The following TAT variants were observed in gnomAD, a reference collection of about 807,000 sequenced individuals.
TAT encodes the protein L-tyrosine:2-oxoglutarate aminotransferase.
In TAT, 35 loss-of-function variants were observed where a neutral mutation model predicts 53.6. The observed-to-expected ratio is 0.65, with a 90% CI of 0.50 to 0.87. TAT has a LOEUF of 0.87. TAT is among the 40% of genes least tolerant of loss of function. The pLI, the probability that TAT is intolerant of heterozygous loss-of-function variation, is 0.00. For synonymous variants in TAT, 197 were observed against 206.5 expected (o/e 0.95, Z 0.39); for missense variants, 525 against 571.8 (o/e 0.92, Z 0.83).
In TAT at chr16:71,572,179, G is replaced by A; in HGVS notation, c.706+7C>T. ...ACCTCGTCCTCTGTGAAGTCTGCTGGACGTACCTGCCAGAATCTTCTGAAG... is the reference window on the plus strand; with the variant it reads ...ACCTCGTCCTCTGTGAAGTCTGCTGAACGTACCTGCCAGAATCTTCTGAAG... On this transcript the variant is annotated splice_region_variant and intron_variant, in intron 6 of 11. Coordinates refer to ENST00000355962, the MANE Select transcript of TAT (RefSeq NM_000353.3). The A allele has an allele frequency of 1.2e-6, 2 of 1,614,042 alleles. No homozygotes were observed. Among genetic ancestry groups the A allele is most frequent in the South Asian group, 2.2e-5 (2 of 91,070 alleles).
At chr16:71,569,312 G>A (rs1301128929) in intron 10 of TAT, among the ~76,000 whole-genome samples, 1 of 151,966 alleles carries the variant, frequency 6.6e-6, no homozygotes, top group Non-Finnish European at 1.5e-5. Context: ...TATATAAAAT[G>A]ATTCTCTGTA....
rs2044158255 is a variant in TAT, at chr16:71,565,701, G to GCGCACACACACACACACA, written c.*2442_*2443insTGTGTGTGTGTGTGTGCG. 6.7e-6 allele frequency: 1 copy of GCGCACACACACACACACA among 148,934 alleles called. No homozygotes were observed. The highest frequency in any genetic ancestry group is 2.5e-5 in the African/African-American group (1 of 39,956). 9.2% of individuals were successfully genotyped at this position (148,934 alleles called of 1,614,324 possible). A position where few individuals can be genotyped will look rare whatever the true frequency, so the allele number is the denominator to read the frequency against. On this transcript the variant is annotated 3_prime_UTR_variant, in exon 12 of 12. Coordinates refer to ENST00000355962, the MANE Select transcript of TAT (RefSeq NM_000353.3). ...TACTTTATTTGAAAAAATGAAAAGTGCACACACACACACACACACACACAC... is the reference window on the plus strand; with the variant it reads ...TACTTTATTTGAAAAAATGAAAAGTGCGCACACACACACACACACACACACACACACACACACACACAC...
In TAT at chr16:71,567,013, A is replaced by T. The variant is rs925341348; in HGVS notation, c.*1131T>A. 2.0e-5 allele frequency: 3 copies of T among 152,248 alleles called. No individual in the cohort carries two copies. The highest frequency in any genetic ancestry group is 4.4e-5 in the Non-Finnish European group (3 of 68,036). 9.4% of individuals were successfully genotyped at this position (152,248 alleles called of 1,614,324 possible). A position where few individuals can be genotyped will look rare whatever the true frequency, so the allele number is the denominator to read the frequency against. On this transcript the variant is annotated 3_prime_UTR_variant, in exon 12 of 12. Transcript: ENST00000355962. The stretch of plus-strand genomic sequence containing the variant: ...TTACAGCAAAAGTAATAATGATTAT[A>T]TAACAATGACAAGTGAAGATATTTC...
Position 71,576,276 on chromosome 16 carries a change from T to C in TAT, c.140A>G (p.Asp47Gly). The change falls in exon 2 of 12, where the codon GAC becomes GGC. Residue 47 changes from aspartate (D) to glycine (G), a missense_variant. Transcript: ENST00000355962. ...GGGGTTGAAAGTTTTCTTGGCCATG[T>C]CTGAGGGCCTCACAGACCACCTGGC... ...RKARWSVRPSDMAKKTFNPIR... is the reference protein window; with the variant it reads ...RKARWSVRPSGMAKKTFNPIR... 6.2e-7 allele frequency: 1 copy of C among 1,614,192 alleles called. No individual in the cohort carries two copies. The highest frequency in any genetic ancestry group is 8.5e-7 in the Non-Finnish European group (1 of 1,180,034).
intron 1 of TAT, 144 bp from the exon 2 acceptor site, chr16:71,576,571 T>A: frequency 1.3e-6 from 1 of 750,306 alleles, no homozygotes; most frequent in Non-Finnish European, 2.2e-6. Context: ...CTTTCTGTTG[T>A]AAAGTAGCTT....
intron 10 of TAT, among the ~76,000 whole-genome samples, chr16:71,569,633 G>A (rs1303996744): frequency 6.6e-6 from 1 of 152,240 alleles, no homozygotes; most frequent in Non-Finnish European, 1.5e-5. Flanking sequence ...GAGCCACCAT[G>A]CCCTGCCTAA....
chr16:71,572,370 AG>A, intron 5 of TAT, 46 bp from the exon 6 acceptor site: 2 of 1,613,394 alleles, frequency 1.2e-6, no homozygotes, highest in Non-Finnish European at 1.7e-6. Flanking sequence ...TGAAACATTT[AG>A]GGGGAATCCT....
chr16:71,569,889 G>A lies in TAT; in HGVS notation c.1090C>T (p.Arg364Trp), dbSNP rs371975183. Residue 364 changes from arginine (R) to tryptophan (W), a missense_variant, in exon 10 of 12, where the codon CGG becomes TGG. Transcript: ENST00000355962. ...ATAGCCCCAGAAGGGCGGACTGGCC[G>A]GAGTCCAGGGATGGCAGCCAACGCC... ...YGALAAIPGL[R>W]PVRPSGAMYL... 83 of 1,613,766 alleles carry A rather than the reference G, an allele frequency of 5.1e-5. No homozygotes were observed. The highest frequency in any genetic ancestry group is 6.6e-5 in the Non-Finnish European group (78 of 1,179,954).
Position 71,567,847 on chromosome 16 carries a change from C to A in TAT, c.*297G>T, listed in dbSNP as rs2044174581. The A allele has an allele frequency of 7.5e-6, 3 of 400,590 alleles. No homozygotes were observed. Among genetic ancestry groups the A allele is most frequent in the Non-Finnish European group, 1.4e-5 (3 of 212,964 alleles). The allele number at this position is 400,590 out of a possible 1,614,324, so 24.8% of individuals were successfully genotyped here. On this transcript the variant is annotated 3_prime_UTR_variant, in exon 12 of 12. Coordinates refer to ENST00000355962, the MANE Select transcript of TAT (RefSeq NM_000353.3). ...CTTGTCTCAACTGCTTTCTGGTAAACTTTGTTCACCTGGTACTTTCAAGAA... is the reference window on the plus strand; with the variant it reads ...CTTGTCTCAACTGCTTTCTGGTAAAATTTGTTCACCTGGTACTTTCAAGAA...
chr16:71,574,250 A>C (rs1209366344), intron 3 of TAT, among the ~76,000 whole-genome samples: 1 of 152,200 alleles, frequency 6.6e-6, no homozygotes, highest in African/African-American at 2.4e-5. Context: ...AAGGATTTCT[A>C]TTATTCCCAA....
rs1020811272 is a variant in TAT, at chr16:71,566,938, C to G, written c.*1206G>C. 6.6e-6 allele frequency: 1 copy of G among 150,434 alleles called. No homozygotes were observed. The highest frequency in any genetic ancestry group is 1.5e-5 in the Non-Finnish European group (1 of 67,778). The allele number at this position is 150,434 out of a possible 1,614,324, so 9.3% of individuals were successfully genotyped here. ...AAAGATCTTATCAATATAAATGTTT[C>G]TTAGAAAATGTATGAAAAGATAATA... is the stretch of plus-strand genomic sequence containing the variant. On this transcript the variant is annotated 3_prime_UTR_variant, in exon 12 of 12. Transcript: ENST00000355962.
At chr16:71,574,260 A>C (rs894780320) in intron 3 of TAT, among the ~76,000 whole-genome samples, 1 of 152,316 alleles carries the variant, frequency 6.6e-6, no homozygotes, top group South Asian at 2.1e-4. Flanking sequence ...ATTATTCCCA[A>C]ATCTTTTTTA....
chr16:71,567,984 GTGTGGT>G lies in TAT; in HGVS notation c.*154_*159del, dbSNP rs2044175852. ...GTGAATGAGGAGGATCTGAGTGTGG[GTGTGGT>G]TGTACTTGGGGAAAAGCAGGAACAA... On this transcript the variant is annotated 3_prime_UTR_variant, in exon 12 of 12. Coordinates refer to ENST00000355962, the MANE Select transcript of TAT (RefSeq NM_000353.3). 2 of 766,124 alleles carry G rather than the reference GTGTGGT, an allele frequency of 2.6e-6. No individual in the cohort carries two copies. The highest frequency in any genetic ancestry group is 4.4e-6 in the Non-Finnish European group (2 of 449,788). The allele number at this position is 766,124 out of a possible 1,614,324, so 47.5% of individuals were successfully genotyped here.
chr16:71,574,120 C>T (rs1255095874), intron 3 of TAT, among the ~76,000 whole-genome samples: 1 of 152,236 alleles, frequency 6.6e-6, no homozygotes, highest in Non-Finnish European at 1.5e-5. Flanking sequence ...AGATTCACTT[C>T]ACATTTTATG....
Position 71,572,668 on chromosome 16 carries a change from G to A in TAT, c.429C>T (p.Gly143=). 6.2e-7 allele frequency: 1 copy of A among 1,614,244 alleles called. No individual in the cohort carries two copies. Among genetic ancestry groups the A allele is most frequent in the African/African-American group, 1.3e-5 (1 of 75,070 alleles). ...AACAAAGGTCAATAGCTTGGCTGCAGCCACTTGTCAGAATGACGTCCTGTG... is the reference window on the plus strand; with the variant it reads ...AACAAAGGTCAATAGCTTGGCTGCAACCACTTGTCAGAATGACGTCCTGTG... ...LEAKDVILTS[G]CSQAIDLCLA... Residue 143 remains glycine, a synonymous_variant, in exon 5 of 12, where the codon GGC becomes GGT. Coordinates refer to ENST00000355962, the MANE Select transcript of TAT (RefSeq NM_000353.3).
At chr16:71,571,700 C>A in intron 6 of TAT, 42 bp from the exon 7 acceptor site, 1 of 1,573,834 alleles carries the variant, frequency 6.4e-7, no homozygotes, top group Non-Finnish European at 8.7e-7. Flanking sequence ...ATGTGAATTG[C>A]TTTATCATGT....
In TAT at chr16:71,568,727, T is replaced by C; in HGVS notation, c.1208A>G (p.His403Arg). 3 of 1,613,744 alleles carry C rather than the reference T, an allele frequency of 1.9e-6. No individual in the cohort carries two copies. In the South Asian group the frequency reaches 3.3e-5, roughly 18 times the overall value. ...GGCACCCACCGTTGCTGGGAGGCAG[T>C]GGACAGACTGCTCAGCAACTAACCG... ...TERLVAEQSVHCLPATCFEYP... is the reference protein window; with the variant it reads ...TERLVAEQSVRCLPATCFEYP... Residue 403 changes from histidine (H) to arginine (R), a missense_variant, in exon 11 of 12, where the codon CAC becomes CGC. By Grantham distance (29) the His-to-Arg change is conservative (BLOSUM62 0). Coordinates refer to ENST00000355962, the MANE Select transcript of TAT (RefSeq NM_000353.3).
At chr16:71,576,464 CAT>C (rs2044236158) in intron 1 of TAT, 37 bp from the exon 2 acceptor site, 2 of 1,568,090 alleles carry the variant, frequency 1.3e-6, no homozygotes. Flanking sequence ...ATGTTGATAA[CAT>C]AGCGCTGGGG....
At chr16:71,572,062 T>C in intron 6 of TAT, 124 bp downstream of exon 6, 1 of 1,197,436 alleles carries the variant, frequency 8.4e-7, no homozygotes, top group Non-Finnish European at 1.2e-6. Flanking sequence ...ATGAGAGACA[T>C]CAGTGGAGCT....
Sources: gnomAD v4.1 joint callset for allele counts (sites outside exome capture counted in the v4.1 genomes callset) on GRCh38, gnomAD v4.1.1 for gene constraint, MANE v1.5 for transcripts, NCBI Gene and HGNC (gene_info 2026-07-23, HGNC 2026-07-21) for gene names.